The following HMGN3 variants were observed in gnomAD, a reference collection of about 807,000 sequenced individuals.
HMGN3 encodes high mobility group nucleosomal binding domain 3, also known as high mobility group nucleosome-binding domain-containing protein 3.
A neutral mutation model predicts 18.8 loss-of-function variants in HMGN3; 6 were observed. The observed-to-expected ratio is 0.32, with a 90% CI of 0.18 to 0.63. The LOEUF (loss-of-function observed/expected upper bound fraction) is 0.63, where lower values mean the gene tolerates loss of function less well. Among genes scored for constraint, HMGN3 ranks in the 30% least tolerant of loss-of-function variants. HMGN3 has a pLI of 0.79. For synonymous variants in HMGN3, 40 were observed against 36.5 expected, an observed-to-expected ratio of 1.10 and a Z score of -0.35; for missense variants, 107 against 114.2, an observed-to-expected ratio of 0.94 and a Z score of 0.29.
intron 2 of HMGN3, among the ~76,000 whole-genome samples, chr6:79,214,409 G>A (rs888638350): frequency 1.3e-5 from 2 of 151,994 alleles, no homozygotes; most frequent in Non-Finnish European, 2.9e-5. Flanking sequence ...CACCGTGTTA[G>A]CCAGGATGGT....
chr6:79,222,513 T>C (rs903480854), intron 1 of HMGN3, among the ~76,000 whole-genome samples: 2 of 152,210 alleles, frequency 1.3e-5, no homozygotes, highest in South Asian at 2.1e-4. Context: ...AGTTAAAAGG[T>C]AGTCTCCTTA....
intron 3 of HMGN3, among the ~76,000 whole-genome samples, chr6:79,208,245 C>T (rs1776514222): frequency 6.6e-6 from 1 of 152,146 alleles, no homozygotes; most frequent in African/African-American, 2.4e-5. Context: ...ATCATAGGTA[C>T]AATCTGAAGA....
rs931676817 is a variant in HMGN3, at chr6:79,214,433, C to G, written c.66+539G>C. 2.6e-5 allele frequency among the ~76,000 whole-genome samples: 4 copies of G among 152,230 alleles called. No individual in the cohort carries two copies. The South Asian group carries it at 6.2e-4, about 24-fold the overall frequency. ...AGCCAGGATGGTCTCTATCTCCTGACCTCGTGATCCGCCCGCCTCGGCCAC... is the reference window on the plus strand; with the variant it reads ...AGCCAGGATGGTCTCTATCTCCTGAGCTCGTGATCCGCCCGCCTCGGCCAC... On this transcript the variant is annotated intron_variant, in intron 2 of 5. Coordinates refer to ENST00000344726, the Ensembl canonical transcript of HMGN3.
chr6:79,224,901 T>C (rs373090690), intron 1 of HMGN3, among the ~76,000 whole-genome samples: 3 of 152,346 alleles, frequency 2.0e-5, no homozygotes, highest in South Asian at 4.1e-4. Context: ...TGATGTTCCT[T>C]GTATTTTTGC....
At chr6:79,211,113 A>G (rs1389849798) in intron 2 of HMGN3, among the ~76,000 whole-genome samples, 2 of 151,504 alleles carry the variant, frequency 1.3e-5, no homozygotes, top group African/African-American at 2.4e-5. Context: ...GCTACATACA[A>G]TTTCCCAGCT....
At chr6:79,234,371 A>C in intron 1 of HMGN3, 175 bp downstream of exon 1, 1 of 499,778 alleles carries the variant, frequency 2.0e-6, no homozygotes, top group Non-Finnish European at 3.6e-6. Flanking sequence ...CGGAGTGGGT[A>C]GGGGGGACAG....
At chr6:79,230,677 G>A (rs936139380) in intron 1 of HMGN3, among the ~76,000 whole-genome samples, 1 of 152,042 alleles carries the variant, frequency 6.6e-6, no homozygotes, top group Non-Finnish European at 1.5e-5. Flanking sequence ...TTTTCCATAA[G>A]GAAATGTGAG....
chr6:79,216,915 T>A (rs1777016305), intron 1 of HMGN3, among the ~76,000 whole-genome samples: 1 of 152,192 alleles, frequency 6.6e-6, no homozygotes, highest in Non-Finnish European at 1.5e-5. Context: ...ACTCTCTACC[T>A]ATAATTGATA....
chr6:79,231,572 C>G (rs562876895), intron 1 of HMGN3, among the ~76,000 whole-genome samples: 6 of 152,180 alleles, frequency 3.9e-5, no homozygotes, highest in Admixed American at 6.5e-5. Context: ...CACAAAGATA[C>G]ACATAAAACT....
rs550454164 is a variant in HMGN3, at chr6:79,202,494, C to G, written c.148-105G>C. ...AACACAAGGTGAAGTACAACCGTTA[C>G]CATCATGGTGGCCTTTATGGAGACA... On this transcript the variant is annotated intron_variant, in intron 4 of 5. Coordinates refer to ENST00000344726, the Ensembl canonical transcript of HMGN3. The G allele has an allele frequency of 1.5e-5, 14 of 930,026 alleles. No homozygotes were observed. The African/African-American group carries it at 1.6e-4, about 11-fold the overall frequency. The allele number at this position is 930,026 out of a possible 1,614,324, so 57.6% of individuals were successfully genotyped here. A position where few individuals can be genotyped will look rare whatever the true frequency, so the allele number is the denominator to read the frequency against.
intron 5 of HMGN3, 23 bp downstream of exon 5, chr6:79,202,253 T>C: frequency 6.2e-7 from 1 of 1,613,916 alleles, no homozygotes; most frequent in South Asian, 1.1e-5. Flanking sequence ...ATTCAATCAG[T>C]GGGAGGTATT....
chr6:79,212,100 G>C (rs749236764), intron 2 of HMGN3, among the ~76,000 whole-genome samples: 2 of 149,588 alleles, frequency 1.3e-5, no homozygotes, highest in African/African-American at 2.5e-5. Context: ...CTGGGAAGTA[G>C]AAAAGTTTGT....
chr6:79,205,960 T>C (rs1776403350), intron 3 of HMGN3, among the ~76,000 whole-genome samples: 1 of 152,200 alleles, frequency 6.6e-6, no homozygotes, highest in Non-Finnish European at 1.5e-5. Context: ...GCAAAGAGAC[T>C]GGCAACATTT....
chr6:79,207,539 CCTT>C (rs528287217), intron 3 of HMGN3, among the ~76,000 whole-genome samples: 29 of 152,164 alleles, frequency 1.9e-4, no homozygotes, highest in Middle Eastern at 3.2e-3. Flanking sequence ...AATTAAACCT[CCTT>C]CTTTTGTAAA....
At chr6:79,232,226 C>A (rs1037664606) in intron 1 of HMGN3, among the ~76,000 whole-genome samples, 3 of 152,160 alleles carry the variant, frequency 2.0e-5, no homozygotes, top group African/African-American at 4.8e-5. Context: ...GTCTCCAGTT[C>A]TTTTTTGTAT....
intron 2 of HMGN3, among the ~76,000 whole-genome samples, chr6:79,211,440 A>G (rs1776683915): frequency 6.6e-6 from 1 of 150,894 alleles, no homozygotes; most frequent in African/African-American, 2.4e-5. Flanking sequence ...ACGAGGGGAA[A>G]AAAAAGCTAT....
chr6:79,203,763 C>T, intron 3 of HMGN3, 133 bp from the exon 4 acceptor site: 1 of 692,398 alleles, frequency 1.4e-6, no homozygotes, highest in East Asian at 2.7e-5. Flanking sequence ...GTATTTCATC[C>T]TATTTTCAGC....
intron 1 of HMGN3, among the ~76,000 whole-genome samples, chr6:79,220,119 C>A (rs915384133): frequency 6.6e-6 from 1 of 152,072 alleles, no homozygotes; most frequent in Non-Finnish European, 1.5e-5. Context: ...TTAAAGGATA[C>A]TATGGTCCTG....
At chr6:79,201,618 C>G (rs1776138710) in exon 6 of HMGN3, 1 of 1,064,562 alleles carries the variant, frequency 9.4e-7, no homozygotes, top group African/African-American at 1.6e-5. Context: ...TTACAAAATA[C>G]TTGGTAAAAA....
Sources: allele counts gnomAD v4.1 joint callset (sites outside exome capture counted in the v4.1 genomes callset), GRCh38; gene constraint gnomAD v4.1.1; transcripts MANE v1.5; gene names NCBI Gene and HGNC (gene_info 2026-07-23, HGNC 2026-07-21).